The following RFX7 variants were observed in gnomAD, a reference collection of about 807,000 sequenced individuals.
RFX7 encodes regulatory factor X7.
A neutral mutation model predicts 111.8 loss-of-function variants in RFX7; 26 were observed. The ratio of observed to expected loss-of-function variants is 0.23; its 90% CI spans 0.17 to 0.32. The LOEUF is 0.32. RFX7 is among the 10% of genes least tolerant of loss of function. RFX7 has a pLI of 1.00. For synonymous variants in RFX7, 624 were observed against 624.4 expected (o/e 1.00, Z 0.01); for missense variants, 1,573 against 1,772.9 (o/e 0.89, Z 2.02).
intron 5 of RFX7, among the ~76,000 whole-genome samples, chr15:56,141,155 G>A (rs1375518973): frequency 6.6e-6 from 1 of 151,994 alleles, no homozygotes; most frequent in African/African-American, 2.4e-5. Flanking sequence ...ACCTCAGTTT[G>A]GGCAATGGTA....
At position 56,093,049 on chromosome 15, in the gene RFX7, A is replaced by G. The variant is rs2041617141; in HGVS notation, c.*296T>C. The G allele has an allele frequency of 1.0e-5, 3 of 290,864 alleles. No homozygotes were observed. Among genetic ancestry groups the G allele is most frequent in the Non-Finnish European group, 1.9e-5 (3 of 155,732 alleles). The allele number at this position is 290,864 out of a possible 1,614,324, so 18.0% of individuals were successfully genotyped here. A position where few individuals can be genotyped will look rare whatever the true frequency, so the allele number is the denominator to read the frequency against. On this transcript the variant is annotated 3_prime_UTR_variant, in exon 10 of 10. Coordinates refer to ENST00000559447, the MANE Select transcript of RFX7 (RefSeq NM_022841.7). Reference sequence around the variant, plus strand: ...TCATCTGATGAAATGAAACTAACTTACACAAAATAAAGATCGACTGCTCTT... The same window carrying G: ...TCATCTGATGAAATGAAACTAACTTGCACAAAATAAAGATCGACTGCTCTT...
chr15:56,145,274 A>C (rs942465341), intron 3 of RFX7, among the ~76,000 whole-genome samples: 3 of 152,238 alleles, frequency 2.0e-5, no homozygotes, highest in Non-Finnish European at 2.9e-5. Flanking sequence ...CTGGTAGCCT[A>C]ATCTAAGCAA....
intron 2 of RFX7, among the ~76,000 whole-genome samples, chr15:56,232,542 C>T (rs1273583365): frequency 6.6e-6 from 1 of 152,178 alleles, no homozygotes; most frequent in Non-Finnish European, 1.5e-5. Context: ...TTCCTCGTTA[C>T]TTATGCAAAT....
chr15:56,193,073 CT>C, intron 2 of RFX7: 1 of 248,242 alleles, frequency 4.0e-6, no homozygotes, highest in Non-Finnish European at 8.6e-6. Context: ...TTTCCTAAGG[CT>C]TTTCTCAATT....
At chr15:56,125,366 C>A (rs1185952718) in intron 5 of RFX7, among the ~76,000 whole-genome samples, 2 of 151,936 alleles carry the variant, frequency 1.3e-5, no homozygotes, top group African/African-American at 2.4e-5. Flanking sequence ...ATTTTAAGGT[C>A]TTTTTTTCTA....
intron 8 of RFX7, among the ~76,000 whole-genome samples, chr15:56,101,060 A>T (rs2041745410): frequency 6.6e-6 from 1 of 152,232 alleles, no homozygotes; most frequent in African/African-American, 2.4e-5. Flanking sequence ...GTACATATAA[A>T]CACATTCTAT....
At chr15:56,196,557 A>G (rs975074053) in intron 2 of RFX7, among the ~76,000 whole-genome samples, 5 of 151,672 alleles carry the variant, frequency 3.3e-5, no homozygotes, top group African/African-American at 4.8e-5. Flanking sequence ...GTGTGTCCAG[A>G]CCCCTCCCCA....
chr15:56,219,163 C>T (rs1239450631), intron 2 of RFX7, among the ~76,000 whole-genome samples: 8 of 151,996 alleles, frequency 5.3e-5, no homozygotes, highest in African/African-American at 1.9e-4. Context: ...ATTGACACTC[C>T]AATATTAGAT....
intron 5 of RFX7, among the ~76,000 whole-genome samples, chr15:56,118,513 A>G (rs1412674083): frequency 6.6e-6 from 1 of 152,228 alleles, no homozygotes; most frequent in Non-Finnish European, 1.5e-5. Context: ...GTGATTGCAA[A>G]TGATACGATC....
At chr15:56,233,066 G>A (rs1202749057) in intron 2 of RFX7, among the ~76,000 whole-genome samples, 1 of 152,126 alleles carries the variant, frequency 6.6e-6, no homozygotes, top group African/African-American at 2.4e-5. Flanking sequence ...TTACAGCAGT[G>A]CCCCACTCTA....
chr15:56,105,175 C>T (rs1378047971), intron 5 of RFX7, among the ~76,000 whole-genome samples: 1 of 152,190 alleles, frequency 6.6e-6, no homozygotes, highest in East Asian at 1.9e-4. Flanking sequence ...TCTTATCTTT[C>T]AAGTCTCTGC....
rs148765903 is a variant in RFX7, at chr15:56,089,547, G to C, written c.*3798C>G. The C allele has an allele frequency of 5.3e-5, 8 of 152,158 alleles. No individual in the cohort carries two copies. Among genetic ancestry groups the C allele is most frequent in the African/African-American group, 1.7e-4 (7 of 41,516 alleles). 9.4% of individuals were successfully genotyped at this position (152,158 alleles called of 1,614,324 possible). A position where few individuals can be genotyped will look rare whatever the true frequency, so the allele number is the denominator to read the frequency against. On this transcript the variant is annotated 3_prime_UTR_variant, in exon 10 of 10. Coordinates refer to ENST00000559447, the MANE Select transcript of RFX7 (RefSeq NM_022841.7). ...GTGTTACACAGTATTTTCACCCCCAGAATTTCTTACTGGTTGACTCTATGC... is the reference window on the plus strand; with the variant it reads ...GTGTTACACAGTATTTTCACCCCCACAATTTCTTACTGGTTGACTCTATGC...
rs747526379 is a variant in RFX7 at position 56,094,728 on chromosome 15, T to C, written c.3000A>G (p.Thr1000=). The change falls in exon 10 of 10, where the codon ACA becomes ACG. Residue 1000 remains threonine (T), a synonymous_variant. Transcript: ENST00000559447. ...VDSALGSSRH[T]PIGTPHSNCS... The stretch of plus-strand genomic sequence containing the variant: ...AGTTAGAATGTGGAGTACCAATGGG[T>C]GTATGTCGGCTACTTCCTAAAGCAC... The C allele has an allele frequency of 1.4e-4, 221 of 1,613,588 alleles. No homozygotes were observed. The highest frequency in any genetic ancestry group is 1.8e-4 in the Non-Finnish European group (209 of 1,179,820).
At chr15:56,223,561 C>T (rs2043448609) in intron 2 of RFX7, among the ~76,000 whole-genome samples, 1 of 152,098 alleles carries the variant, frequency 6.6e-6, no homozygotes, top group South Asian at 2.1e-4. Flanking sequence ...ACACCCATTA[C>T]CCCATTAAGG....
At chr15:56,151,552 G>A (rs1276514199) in intron 3 of RFX7, among the ~76,000 whole-genome samples, 3 of 152,152 alleles carry the variant, frequency 2.0e-5, no homozygotes, top group African/African-American at 7.2e-5. Context: ...AAGAGGTCCT[G>A]AAAGAAGCAC....
At chr15:56,190,169 G>C (rs1352787209) in intron 2 of RFX7, among the ~76,000 whole-genome samples, 2 of 152,176 alleles carry the variant, frequency 1.3e-5, no homozygotes, top group Non-Finnish European at 2.9e-5. Flanking sequence ...ATTAGAAAAA[G>C]TATCTGTCTC....
At chr15:56,120,383 T>C (rs1595940873) in intron 5 of RFX7, among the ~76,000 whole-genome samples, 2 of 152,210 alleles carry the variant, frequency 1.3e-5, no homozygotes. Flanking sequence ...TCCATTCTAA[T>C]AGTTTTTTGG....
intron 3 of RFX7, among the ~76,000 whole-genome samples, chr15:56,159,827 T>TA (rs373409068): frequency 5.9e-4 from 90 of 152,306 alleles, no homozygotes; most frequent in African/African-American, 2.1e-3. Flanking sequence ...TTAAAGACCT[T>TA]TAAGCAGATG....
intron 5 of RFX7, among the ~76,000 whole-genome samples, chr15:56,120,738 T>C (rs1356456873): frequency 6.6e-6 from 1 of 152,140 alleles, no homozygotes; most frequent in East Asian, 1.9e-4. Context: ...CATTTCTTGC[T>C]TTTTATTTTT....
Sources: gnomAD v4.1 joint callset for allele counts (sites outside exome capture counted in the v4.1 genomes callset) on GRCh38, gnomAD v4.1.1 for gene constraint, MANE v1.5 for transcripts, NCBI Gene and HGNC (gene_info 2026-07-23, HGNC 2026-07-21) for gene names.